The following MKLN1 variants were observed in gnomAD, a reference collection of about 807,000 sequenced individuals.
MKLN1 encodes the protein muskelin.
MKLN1 carries 18 observed loss-of-function variants against 99.0 expected under a neutral mutation model. The ratio of observed to expected loss-of-function variants is 0.18; its 90% CI spans 0.13 to 0.27. MKLN1 has a LOEUF of 0.27. Ranked by LOEUF, MKLN1 falls within the 10% of genes least tolerant of loss-of-function variation. The probability of loss-of-function intolerance (pLI) is 1.00; values close to 1 mark genes in which losing one functional copy is unlikely to be tolerated. For missense variants in MKLN1, 621 were observed against 875.9 expected, an observed-to-expected ratio of 0.71 and a Z score of 3.67; for synonymous variants, 288 against 293.2, an observed-to-expected ratio of 0.98 and a Z score of 0.18.
chr7:131,255,783 G>A (rs1243250641), intron 3 of MKLN1, among the ~76,000 whole-genome samples: 8 of 151,968 alleles, frequency 5.3e-5, no homozygotes, highest in Admixed American at 2.6e-4. Context: ...GTTTCACTGT[G>A]TTGGCCAGGC....
At position 131,292,007 on chromosome 7, in the gene MKLN1, C is replaced by T. The variant is rs112092100; in HGVS notation, c.-178-83417C>T. Among the ~76,000 whole-genome samples the T allele has an allele frequency of 6.8e-3, 1,039 of 151,756 alleles. 9 individuals carry two copies. Among genetic ancestry groups the T allele is most frequent in the African/African-American group, 0.024 (978 of 41,346 alleles). ...CTTAAGTCCTAGCTATTCAGGGGGC[C>T]GAGGTGGGAGGATGGCTTGAGCATA... On this transcript the variant is annotated intron_variant, in intron 3 of 7. Transcript: ENST00000416992.
At chr7:131,236,100 G>A (rs1346253546) in intron 3 of MKLN1, among the ~76,000 whole-genome samples, 3 of 152,164 alleles carry the variant, frequency 2.0e-5, no homozygotes, top group Non-Finnish European at 2.9e-5. Flanking sequence ...GAAATATCAC[G>A]AGAAATTAAT....
At chr7:131,314,724 T>C (rs1199745841) in intron 3 of MKLN1, among the ~76,000 whole-genome samples, 1 of 151,822 alleles carries the variant, frequency 6.6e-6, no homozygotes, top group Non-Finnish European at 1.5e-5. Flanking sequence ...GCCCAGCCCT[T>C]GTTTGTTGTT....
intron 1 of MKLN1, among the ~76,000 whole-genome samples, chr7:131,332,626 C>T (rs1279917657): frequency 6.6e-6 from 1 of 151,774 alleles, no homozygotes; most frequent in Non-Finnish European, 1.5e-5. Flanking sequence ...TGTTTATTAT[C>T]ATTCCAGATC....
rs1218042575 is a variant in MKLN1, at chr7:131,489,828, T to A, written c.*2100T>A. ...TACTAGTCTTTTTGGAAAACATGTT[T>A]GTTTTAATTTCATCTTCCCTCACTT... is the stretch of plus-strand genomic sequence containing the variant. On this transcript the variant is annotated 3_prime_UTR_variant, in exon 18 of 18. Transcript: ENST00000352689. 1 of 152,194 alleles carries A rather than the reference T, an allele frequency of 6.6e-6. No homozygotes were observed. The highest frequency in any genetic ancestry group is 1.5e-5 in the Non-Finnish European group (1 of 68,018). 9.4% of individuals were successfully genotyped at this position (152,194 alleles called of 1,614,324 possible).
intron 1 of MKLN1, among the ~76,000 whole-genome samples, chr7:131,355,863 T>C (rs1483760620): frequency 6.6e-6 from 1 of 151,708 alleles, no homozygotes; most frequent in Non-Finnish European, 1.5e-5. Flanking sequence ...CTATTCTAAA[T>C]AGTATTTTTC....
intron 1 of MKLN1, among the ~76,000 whole-genome samples, chr7:131,343,191 A>T (rs535041590): frequency 1.3e-5 from 2 of 152,314 alleles, no homozygotes; most frequent in South Asian, 4.1e-4. Flanking sequence ...CATTTCTTGA[A>T]TGTAGGAATT....
At chr7:131,426,012 C>G (rs984155737) in intron 8 of MKLN1, among the ~76,000 whole-genome samples, 1 of 152,176 alleles carries the variant, frequency 6.6e-6, no homozygotes, top group Non-Finnish European at 1.5e-5. Flanking sequence ...TCAGAAGGCT[C>G]AGTTTCCATC....
intron 3 of MKLN1, among the ~76,000 whole-genome samples, chr7:131,221,061 T>C (rs1445787042): frequency 3.3e-5 from 5 of 152,238 alleles, no homozygotes; most frequent in Non-Finnish European, 5.9e-5. Context: ...ATCTGCCTCA[T>C]ATCAGTGATT....
In MKLN1 at chr7:131,214,555, C is replaced by T. The variant is rs187697920; in HGVS notation, c.-179+11581C>T. 1.2e-3 allele frequency among the ~76,000 whole-genome samples: 190 copies of T among 152,322 alleles called. 1 individual carries two copies. Among genetic ancestry groups the T allele is most frequent in the African/African-American group, 4.5e-3 (188 of 41,566 alleles). ...GAAAGATGAAAAGGTCCCAGGTCCC[C>T]ATGATGCTGCTGTGCTGTTGAAGTA... On this transcript the variant is annotated intron_variant, in intron 3 of 7. Coordinates refer to the MKLN1 transcript ENST00000416992.
rs528488511 is a variant in MKLN1, at chr7:131,352,051, T to C, written c.99-23373T>C. ...AGACAAATGCTTAATTCTTTCCTTTTAATCACTAGTTTTCAGCATAGTGAG... is the reference window on the plus strand; with the variant it reads ...AGACAAATGCTTAATTCTTTCCTTTCAATCACTAGTTTTCAGCATAGTGAG... On this transcript the variant is annotated intron_variant, in intron 1 of 17. Transcript: ENST00000352689. Among the ~76,000 whole-genome samples the C allele has an allele frequency of 2.0e-5, 3 of 152,376 alleles. No homozygotes were observed. The South Asian group carries it at 6.2e-4, about 32-fold the overall frequency.
rs1795539134 is a variant in MKLN1 at position 131,130,877 on chromosome 7, A to G, written c.-418-11943A>G. On this transcript the variant is annotated intron_variant, in intron 1 of 7. Coordinates refer to the MKLN1 transcript ENST00000416992. ...AGACCAGCCTGGACAACATAGTAAGACCTGTCACTACAAACAATACAAAAA... is the reference window on the plus strand; with the variant it reads ...AGACCAGCCTGGACAACATAGTAAGGCCTGTCACTACAAACAATACAAAAA... Among the ~76,000 whole-genome samples the G allele has an allele frequency of 2.0e-5, 3 of 151,890 alleles. No homozygotes were observed. In the South Asian group the frequency reaches 6.2e-4, roughly 32 times the overall value.
intron 1 of MKLN1, among the ~76,000 whole-genome samples, chr7:131,136,025 C>T (rs1468628906): frequency 6.6e-6 from 1 of 152,084 alleles, no homozygotes; most frequent in East Asian, 1.9e-4. Context: ...TAGGGTGAGT[C>T]TAGGGAGGGC....
chr7:131,439,901 CACACACACACACACACAGTCT>C (rs1795787976), intron 10 of MKLN1, among the ~76,000 whole-genome samples: 1 of 98,086 alleles, frequency 1.0e-5, no homozygotes, highest in East Asian at 3.5e-4. Flanking sequence ...CACACACACA[CACACACACACACACACAGTCT>C]CTCTCTCTCA....
chr7:131,378,434 A>G (rs1367092270), intron 2 of MKLN1, among the ~76,000 whole-genome samples: 1 of 152,176 alleles, frequency 6.6e-6, no homozygotes, highest in African/African-American at 2.4e-5. Flanking sequence ...GTTTTCATGT[A>G]TAGTTATGTA....
intron 4 of MKLN1, among the ~76,000 whole-genome samples, chr7:131,393,467 T>C (rs1794266156): frequency 1.3e-5 from 2 of 152,210 alleles, no homozygotes; most frequent in South Asian, 2.1e-4. Flanking sequence ...TATATGCCCA[T>C]TGGCAAGATA....
At chr7:131,448,637 G>T (rs1411579326) in intron 12 of MKLN1, among the ~76,000 whole-genome samples, 1 of 152,096 alleles carries the variant, frequency 6.6e-6, no homozygotes, top group East Asian at 1.9e-4. Flanking sequence ...TTAAATTGTG[G>T]GATTTTTTCC....
chr7:131,363,196 C>T (rs970252953), intron 1 of MKLN1, among the ~76,000 whole-genome samples: 5 of 151,714 alleles, frequency 3.3e-5, no homozygotes, highest in South Asian at 2.1e-4. Context: ...GGCTCCAGGC[C>T]GCATTTGTGA....
At chr7:131,458,078 A>G (rs1012026473) in intron 12 of MKLN1, among the ~76,000 whole-genome samples, 4 of 152,250 alleles carry the variant, frequency 2.6e-5, no homozygotes, top group African/African-American at 9.6e-5. Context: ...AGAATTAAGA[A>G]TAGCAGAGAG....
Sources: gnomAD v4.1 joint callset for allele counts (sites outside exome capture counted in the v4.1 genomes callset) on GRCh38, gnomAD v4.1.1 for gene constraint, MANE v1.5 for transcripts, NCBI Gene and HGNC (gene_info 2026-07-23, HGNC 2026-07-21) for gene names.